Variants in PPP1R21 observed in about 807,000 individuals in gnomAD.
PPP1R21 encodes the protein protein phosphatase 1 regulatory subunit 21.
Under a neutral mutation model 112.8 loss-of-function variants are expected in PPP1R21, and 85 were observed. The ratio of observed to expected loss-of-function variants is 0.75; its 90% CI spans 0.63 to 0.90. PPP1R21 has a LOEUF of 0.90. Among genes scored for constraint, PPP1R21 ranks in the 40% least tolerant of loss-of-function variants. The pLI is 0.00. For synonymous variants in PPP1R21, 381 were observed against 322.3 expected (o/e 1.18, Z -1.95); for missense variants, 1,199 against 901.5 (o/e 1.33, Z -4.23).
At chr2:48,471,501 G>A (rs1354257268) in intron 11 of PPP1R21, 134 bp downstream of exon 11, 7 of 852,440 alleles carry the variant, frequency 8.2e-6, no homozygotes, top group South Asian at 2.1e-5. Flanking sequence ...TTGGACTTCC[G>A]TGAAAAAGGA....
At chr2:48,443,664 C>T (rs754485125) in intron 1 of PPP1R21, among the ~76,000 whole-genome samples, 18 of 152,180 alleles carry the variant, frequency 1.2e-4, no homozygotes, top group Non-Finnish European at 2.5e-4. Flanking sequence ...AATTTCAGAA[C>T]ACAGGAGAAC....
intron 2 of PPP1R21, among the ~76,000 whole-genome samples, chr2:48,452,290 G>C (rs1667510111): frequency 6.6e-6 from 1 of 152,084 alleles, no homozygotes; most frequent in Non-Finnish European, 1.5e-5. Flanking sequence ...GTGACAGCTG[G>C]TTCTATTGAT....
chr2:48,474,913 A>G (rs967711716), intron 12 of PPP1R21, 94 bp downstream of exon 12: 22 of 1,075,746 alleles, frequency 2.0e-5, no homozygotes, highest in Non-Finnish European at 2.8e-5. Flanking sequence ...GAGTGAGAGG[A>G]GCATAGGATC....
At chr2:48,457,617 A>G (rs972579880) in intron 3 of PPP1R21, among the ~76,000 whole-genome samples, 2 of 152,190 alleles carry the variant, frequency 1.3e-5, no homozygotes, top group African/African-American at 4.8e-5. Context: ...CTATTTATTT[A>G]TAATAGCTTT....
intron 3 of PPP1R21, 84 bp downstream of exon 3, chr2:48,454,825 C>G (rs907400263): frequency 6.9e-6 from 7 of 1,016,158 alleles, no homozygotes; most frequent in Middle Eastern, 2.1e-4. Context: ...ACAGAAGACC[C>G]CACTGCCGAA....
At chr2:48,454,263 A>T (rs1427213341) in intron 2 of PPP1R21, among the ~76,000 whole-genome samples, 4 of 151,286 alleles carry the variant, frequency 2.6e-5, no homozygotes, top group African/African-American at 9.7e-5. Context: ...TCTGTCTCAA[A>T]AAATAAATAA....
chr2:48,457,194 T>G (rs1374030616), intron 3 of PPP1R21, among the ~76,000 whole-genome samples: 1 of 152,220 alleles, frequency 6.6e-6, no homozygotes, highest in African/African-American at 2.4e-5. Flanking sequence ...TATTGAGAAT[T>G]AATTTTAATT....
At position 48,471,368 on chromosome 2, in the gene PPP1R21, G is replaced by A. The variant is rs1355755218; in HGVS notation, c.1088+1G>A. On this transcript the variant is annotated splice_donor_variant, in intron 11 of 21. Transcript: ENST00000294952. LOFTEE classifies it high-confidence loss of function. ...AGATTCTTCCCTATCAGTTAAAAAG[G>A]TAGTTACCCCCGGAGGCCAGGGAAC... The A allele has an allele frequency of 2.5e-6, 4 of 1,604,642 alleles. No individual in the cohort carries two copies. The highest frequency in any genetic ancestry group is 3.4e-6 in the Non-Finnish European group (4 of 1,177,066).
At chr2:48,473,417 A>C (rs1379393038) in intron 11 of PPP1R21, among the ~76,000 whole-genome samples, 1 of 152,198 alleles carries the variant, frequency 6.6e-6, no homozygotes, top group Non-Finnish European at 1.5e-5. Flanking sequence ...TACTTGAAAG[A>C]GTTATGAATT....
chr2:48,475,830 A>G (rs540627441), intron 12 of PPP1R21, among the ~76,000 whole-genome samples: 2 of 152,228 alleles, frequency 1.3e-5, no homozygotes, highest in African/African-American at 2.4e-5. Context: ...CTGGGCAGCA[A>G]TAGCGAAACT....
At chr2:48,507,202 T>C (rs1308264119) in intron 18 of PPP1R21, 67 bp from the exon 19 acceptor site, 20 of 1,369,224 alleles carry the variant, frequency 1.5e-5, no homozygotes, top group Non-Finnish European at 1.9e-5. Context: ...CTTTTTTTTT[T>C]TTTTTTTCTA....
intron 12 of PPP1R21, among the ~76,000 whole-genome samples, chr2:48,478,575 A>T (rs538636061): frequency 4.6e-5 from 7 of 152,284 alleles, no homozygotes; most frequent in African/African-American, 1.4e-4. Context: ...TGGGGCATCA[A>T]TTGTCTATTC....
chr2:48,506,920 T>A (rs1670405276), intron 18 of PPP1R21, among the ~76,000 whole-genome samples: 1 of 142,624 alleles, frequency 7.0e-6, no homozygotes, highest in East Asian at 2.0e-4. Context: ...CACTCCAGCC[T>A]GGTGACGGAG....
At chr2:48,463,581 G>A (rs1048672286) in intron 7 of PPP1R21, among the ~76,000 whole-genome samples, 3 of 152,100 alleles carry the variant, frequency 2.0e-5, no homozygotes, top group African/African-American at 4.8e-5. Context: ...TGACAGACGG[G>A]CAAAGTGAAA....
chr2:48,506,741 C>T (rs1043232454), intron 18 of PPP1R21, among the ~76,000 whole-genome samples: 3 of 152,018 alleles, frequency 2.0e-5, no homozygotes, highest in South Asian at 2.1e-4. Flanking sequence ...GTCAGGAGAT[C>T]GAGACCATCC....
chr2:48,467,571 A>G (rs1469558655), intron 9 of PPP1R21, among the ~76,000 whole-genome samples: 2 of 152,172 alleles, frequency 1.3e-5, no homozygotes, highest in Non-Finnish European at 2.9e-5. Flanking sequence ...AGTTAGTGCT[A>G]GTAGTTGGCT....
chr2:48,505,749 G>A lies in PPP1R21; in HGVS notation c.1968+153G>A, dbSNP rs571501810. ...TGGAGCCAGTGTTTTCCACCTTCGT[G>A]TATGGATCCATGTAGCTTTTCTCTG... On this transcript the variant is annotated intron_variant, in intron 18 of 21. Coordinates refer to ENST00000294952, the MANE Select transcript of PPP1R21 (RefSeq NM_001135629.3). 2.0e-5 allele frequency among the ~76,000 whole-genome samples: 3 copies of A among 152,308 alleles called. No individual in the cohort carries two copies. The East Asian group carries it at 5.8e-4, about 29-fold the overall frequency.
chr2:48,458,105 A>G (rs1209992654), intron 3 of PPP1R21, 21 bp from the exon 4 acceptor site: 6 of 1,522,308 alleles, frequency 3.9e-6, no homozygotes, highest in African/African-American at 2.7e-5. Context: ...TTATGTGGAC[A>G]TAACTTATTC....
At position 48,514,699 on chromosome 2, in the gene PPP1R21, A is replaced by G. The variant is rs770550641; in HGVS notation, c.2314-16A>G. 6.4e-7 allele frequency: 1 copy of G among 1,566,632 alleles called. No homozygotes were observed. On this transcript the variant is annotated splice_polypyrimidine_tract_variant and intron_variant, in intron 21 of 21. Coordinates refer to ENST00000294952, the MANE Select transcript of PPP1R21 (RefSeq NM_001135629.3). ...TTATGTTTATGTTCTTATTGTTGAT[A>G]TTTTTCTTTGCACAGGGGAATTCTA... is the stretch of plus-strand genomic sequence containing the variant.
Sources: allele counts gnomAD v4.1 joint callset (sites outside exome capture counted in the v4.1 genomes callset), GRCh38; gene constraint gnomAD v4.1.1; transcripts MANE v1.5; gene names NCBI Gene and HGNC (gene_info 2026-07-23, HGNC 2026-07-21).